Variants in KSR1 observed in about 807,000 individuals in gnomAD.
The protein encoded by KSR1 is kinase suppressor of ras 1, also known as kinase suppressor of ras.
Under a neutral mutation model 92.9 loss-of-function variants are expected in KSR1, and 35 were observed. That is an observed-to-expected ratio of 0.38 (90% confidence interval 0.29 to 0.50). The LOEUF (loss-of-function observed/expected upper bound fraction) is 0.50. Ranked by LOEUF, KSR1 falls within the 20% of genes least tolerant of loss-of-function variation. The pLI, the probability that KSR1 is intolerant of heterozygous loss-of-function variation, is 0.94. For missense variants in KSR1, 972 were observed against 1,158.5 expected, an observed-to-expected ratio of 0.84 and a Z score of 2.34; for synonymous variants, 467 against 472.6, an observed-to-expected ratio of 0.99 and a Z score of 0.15.
intron 1 of KSR1, among the ~76,000 whole-genome samples, chr17:27,502,398 A>G (rs1212436698): frequency 6.6e-6 from 1 of 152,164 alleles, no homozygotes; most frequent in Non-Finnish European, 1.5e-5. Flanking sequence ...CCCCTCCCTG[A>G]TTCCGAGACC....
chr17:27,456,763 G>A lies in KSR1; in HGVS notation c.120G>A (p.Gln40=). 1 of 1,543,608 alleles carries A rather than the reference G, an allele frequency of 6.5e-7. No homozygotes were observed. The highest frequency in any genetic ancestry group is 8.8e-7 in the Non-Finnish European group (1 of 1,136,986). The change falls in exon 1 of 21, where the codon CAG becomes CAA. Residue 40 remains glutamine (Q), a synonymous_variant. Transcript: ENST00000644974. The stretch of plus-strand genomic sequence containing the variant: ...CCGCGGCCAGCCGGGCGCTGCAGCA[G>A]TGCGGGCAGCTCCAGAAGCTCATCG... The part of the protein sequence containing the change: ...AGAAASRALQ[Q]CGQLQKLIDI...
chr17:27,584,901 T>A (rs915946857), intron 4 of KSR1, among the ~76,000 whole-genome samples: 2 of 152,152 alleles, frequency 1.3e-5, no homozygotes, highest in African/African-American at 4.8e-5. Context: ...CTGTTATCTC[T>A]GCCCTCCTGT....
chr17:27,508,876 C>T (rs551999923), intron 1 of KSR1, among the ~76,000 whole-genome samples: 4 of 152,074 alleles, frequency 2.6e-5, no homozygotes, highest in Non-Finnish European at 4.4e-5. Flanking sequence ...ATTACAGATG[C>T]CTGCCACCAT....
rs1217612452 is a variant in KSR1, at chr17:27,623,824, G to A, written c.*432G>A. The A allele has an allele frequency of 1.1e-5, 6 of 526,986 alleles. No homozygotes were observed. The highest frequency in any genetic ancestry group is 6.0e-5 in the South Asian group (2 of 33,536). 32.6% of individuals were successfully genotyped at this position (526,986 alleles called of 1,614,324 possible). On this transcript the variant is annotated 3_prime_UTR_variant, in exon 21 of 21. Transcript: ENST00000644974. The stretch of plus-strand genomic sequence containing the variant: ...ATTGCAGCTGTTCTTGGGGTAGGGC[G>A]GGGAGCCCAGAAGGTCTGATCTGGC...
chr17:27,478,634 C>T (rs888370424), intron 1 of KSR1, among the ~76,000 whole-genome samples: 4 of 152,014 alleles, frequency 2.6e-5, no homozygotes, highest in Non-Finnish European at 4.4e-5. Context: ...GCTTCAGAGT[C>T]CAGACCTAAT....
At chr17:27,549,802 T>G (rs2071326304) in intron 1 of KSR1, among the ~76,000 whole-genome samples, 1 of 152,180 alleles carries the variant, frequency 6.6e-6, no homozygotes, top group African/African-American at 2.4e-5. Context: ...TCAGCTTCTA[T>G]TATCCCCATT....
At chr17:27,530,673 A>G (rs2070500290) in intron 1 of KSR1, among the ~76,000 whole-genome samples, 1 of 152,248 alleles carries the variant, frequency 6.6e-6, no homozygotes, top group African/African-American at 2.4e-5. Context: ...TAAAATCAGT[A>G]CGCAGTAATT....
At chr17:27,569,795 A>C (rs2151135497) in intron 2 of KSR1, among the ~76,000 whole-genome samples, 1 of 152,348 alleles carries the variant, frequency 6.6e-6, no homozygotes, top group South Asian at 2.1e-4. Flanking sequence ...ACAAAGCTGA[A>C]GAGACTCTGT....
intron 1 of KSR1, among the ~76,000 whole-genome samples, chr17:27,463,333 A>G (rs1192735043): frequency 6.6e-6 from 1 of 151,488 alleles, no homozygotes; most frequent in Non-Finnish European, 1.5e-5. Flanking sequence ...AACATGGTAA[A>G]CCCCGTCTCT....
chr17:27,566,413 G>A (rs2072070681), intron 2 of KSR1: 1 of 399,166 alleles, frequency 2.5e-6, no homozygotes, highest in Non-Finnish European at 4.4e-6. Context: ...ACACTGCACT[G>A]GGGGCCAGGG....
At chr17:27,528,803 G>A (rs1216447356) in intron 1 of KSR1, among the ~76,000 whole-genome samples, 3 of 152,124 alleles carry the variant, frequency 2.0e-5, no homozygotes, top group Non-Finnish European at 4.4e-5. Flanking sequence ...TACTCAGGAG[G>A]CTGAGGTGGG....
At position 27,470,476 on chromosome 17, in the gene KSR1, G is replaced by A. The variant is rs181837698; in HGVS notation, c.231+13602G>A. 4.7e-3 allele frequency among the ~76,000 whole-genome samples: 713 copies of A among 152,016 alleles called. 4 individuals are homozygous for A. Among genetic ancestry groups the A allele is most frequent in the Non-Finnish European group, 7.2e-3 (491 of 67,966 alleles). Reference sequence around the variant, plus strand: ...AGGCTGATCTCAAACCCCTGACCTCGTGATCCACCCACCTCGGCCTCCCAA... The same window carrying A: ...AGGCTGATCTCAAACCCCTGACCTCATGATCCACCCACCTCGGCCTCCCAA... On this transcript the variant is annotated intron_variant, in intron 1 of 20. Coordinates refer to ENST00000644974, the MANE Select transcript of KSR1 (RefSeq NM_001394583.1).
chr17:27,566,693 A>G (rs2072089204), intron 2 of KSR1: 1 of 397,106 alleles, frequency 2.5e-6, no homozygotes, highest in Non-Finnish European at 4.4e-6. Context: ...GAGAAATCGC[A>G]TGTTGGGGCA....
Position 27,483,305 on chromosome 17 carries a change from C to T in KSR1, c.231+26431C>T, listed in dbSNP as rs147784291. Among the ~76,000 whole-genome samples, 6 of 152,252 alleles carry T rather than the reference C, an allele frequency of 3.9e-5. No individual in the cohort carries two copies. The East Asian group carries it at 1.2e-3, about 29-fold the overall frequency. ...AGTTGTGAGGTAGAAATCACAGACC[C>T]AGCTGGGCACAGTGGCTCACGCCTG... is the stretch of plus-strand genomic sequence containing the variant. On this transcript the variant is annotated intron_variant, in intron 1 of 20. Transcript: ENST00000644974.
Position 27,550,714 on chromosome 17 carries a change from C to T in KSR1, c.372+6C>T, listed in dbSNP as rs758139547. 1 of 762,138 alleles carries T rather than the reference C, an allele frequency of 1.3e-6. No individual in the cohort carries two copies. Among genetic ancestry groups the T allele is most frequent in the Admixed American group, 1.7e-5 (1 of 58,984 alleles). 47.2% of individuals were successfully genotyped at this position (762,138 alleles called of 1,614,324 possible). A position where few individuals can be genotyped will look rare whatever the true frequency, so the allele number is the denominator to read the frequency against. The stretch of plus-strand genomic sequence containing the variant: ...TGAGGCCGGAGGTGGTGCAGGTATG[C>T]AAGCTGGTTCTCAGCATAGGGATAG... On this transcript the variant is annotated splice_donor_region_variant and intron_variant, in intron 2 of 20. Transcript: ENST00000644974.
intron 18 of KSR1, 149 bp from the exon 19 acceptor site, chr17:27,617,146 C>A: frequency 1.3e-6 from 1 of 769,382 alleles, no homozygotes; most frequent in Non-Finnish European, 1.9e-6. Context: ...CCAGTTACTT[C>A]TCACCCCTTC....
At chr17:27,472,308 T>C (rs1377016335) in intron 1 of KSR1, among the ~76,000 whole-genome samples, 1 of 151,984 alleles carries the variant, frequency 6.6e-6, no homozygotes, top group Non-Finnish European at 1.5e-5. Context: ...CTTCTGGGAG[T>C]CTAGAGTGTA....
Position 27,625,067 on chromosome 17 carries a change from T to G in KSR1, c.*1675T>G, listed in dbSNP as rs1043089362. On this transcript the variant is annotated 3_prime_UTR_variant, in exon 21 of 21. Transcript: ENST00000644974. ...CGTGGATTCAGCTCCGTGTGGAGTT[T>G]CTGTGCTATGGTGGGACTGCTCATT... The G allele has an allele frequency of 6.6e-6, 1 of 152,336 alleles. No individual in the cohort carries two copies. Among genetic ancestry groups the G allele is most frequent in the Non-Finnish European group, 1.5e-5 (1 of 68,110 alleles). 9.4% of individuals were successfully genotyped at this position (152,336 alleles called of 1,614,324 possible).
At chr17:27,548,400 A>G (rs2071265762) in intron 1 of KSR1, among the ~76,000 whole-genome samples, 1 of 152,220 alleles carries the variant, frequency 6.6e-6, no homozygotes. Flanking sequence ...GAAATTAAAA[A>G]TTATTAATTC....
Sources: gnomAD v4.1 joint callset for allele counts (sites outside exome capture counted in the v4.1 genomes callset) on GRCh38, gnomAD v4.1.1 for gene constraint, MANE v1.5 for transcripts, NCBI Gene and HGNC (gene_info 2026-07-23, HGNC 2026-07-21) for gene names.